ZNF777: variants seen among roughly 807,000 people sequenced by gnomAD.
The protein encoded by ZNF777 is zinc finger protein 777.
In ZNF777, 7 loss-of-function variants were observed where a neutral mutation model predicts 72.1. The ratio of observed to expected loss-of-function variants is 0.10; its 90% confidence interval spans 0.06 to 0.18. The LOEUF is 0.18. Ranked by LOEUF, ZNF777 falls within the 10% of genes least tolerant of loss-of-function variation. The pLI, the probability that ZNF777 is intolerant of heterozygous loss-of-function variation, is 1.00. For missense variants in ZNF777, 828 were observed against 1,128.6 expected, an observed-to-expected ratio of 0.73 and a Z score of 3.82; for synonymous variants, 545 against 483.5, an observed-to-expected ratio of 1.13 and a Z score of -1.67.
chr7:149,455,854 G>A lies in ZNF777; in HGVS notation c.169C>T (p.Pro57Ser), dbSNP rs201967103. 4.5e-5 allele frequency: 72 copies of A among 1,614,006 alleles called. No individual in the cohort carries two copies. The highest frequency in any genetic ancestry group is 5.8e-5 in the Non-Finnish European group (69 of 1,180,004). The change falls in exon 2 of 6, where the codon CCC becomes TCC. Residue 57 changes from proline to serine, a missense_variant. Coordinates refer to ENST00000247930, the MANE Select transcript of ZNF777 (RefSeq NM_015694.3). The surrounding 1 kb of genome is among the most constrained non-coding windows in gnomAD (Gnocchi z 4.2). ...SPTIPRQGSL[P>S]QTSSAPKQET... ...TGCTTGGGAGCACTGGAAGTTTGGG[G>A]CAGGGAGCCTTGACGGGGAATGGTG...
chr7:149,432,426 C>T lies in ZNF777; in HGVS notation c.1846G>A (p.Ala616Thr), dbSNP rs773152370. The change falls in exon 6 of 6, where the codon GCG (alanine) becomes ACG (threonine). Residue 616 changes from alanine to threonine, a missense_variant. Ala to Thr is a moderately conservative substitution (Grantham distance 58). Transcript: ENST00000247930. ...ERGPTFNPKH[A>T]LKPRPKSPSS... Reference sequence around the variant, plus strand: ...GGTGACTTGGGACGCGGCTTGAGCGCGTGCTTGGGGTTGAACGTGGGCCCG... The same window carrying T: ...GGTGACTTGGGACGCGGCTTGAGCGTGTGCTTGGGGTTGAACGTGGGCCCG... The T allele has an allele frequency of 3.1e-6, 5 of 1,613,410 alleles. No individual in the cohort carries two copies. The highest frequency in any genetic ancestry group is 2.2e-5 in the South Asian group (2 of 91,072).
At chr7:149,454,502 C>T (rs960343031) in intron 2 of ZNF777, among the ~76,000 whole-genome samples, 1 of 152,216 alleles carries the variant, frequency 6.6e-6, no homozygotes, top group Non-Finnish European at 1.5e-5. Flanking sequence ...CAGACCCCAC[C>T]TTAGACCTAC....
Position 149,436,989 on chromosome 7 carries a change from C to G in ZNF777, c.1088-163G>C, listed in dbSNP as rs1179966969. Among the ~76,000 whole-genome samples the G allele has an allele frequency of 6.6e-6, 1 of 152,158 alleles. No individual in the cohort carries two copies. Among genetic ancestry groups the G allele is most frequent in the Non-Finnish European group, 1.5e-5 (1 of 68,028 alleles). On this transcript the variant is annotated intron_variant, in intron 4 of 5. Coordinates refer to ENST00000247930, the MANE Select transcript of ZNF777 (RefSeq NM_015694.3). The surrounding 1 kb of genome is among the most constrained non-coding windows in gnomAD (Gnocchi z 5.0). The stretch of plus-strand genomic sequence containing the variant: ...TGGAAATGAGTAGACACAGAATTTT[C>G]TGGACACCTTGTAGCTTTGAATACC...
At position 149,455,727 on chromosome 7, in the gene ZNF777, G is replaced by T. The variant is rs940901471; in HGVS notation, c.296C>A (p.Ser99Tyr). The T allele has an allele frequency of 7.0e-6, 11 of 1,580,004 alleles. No homozygotes were observed. The Admixed American group carries it at 7.2e-5, about 10-fold the overall frequency. Residue 99 changes from serine to tyrosine, a missense_variant, in exon 2 of 6, where the codon TCC becomes TAC. By Grantham distance (144) the Ser-to-Tyr change is moderately radical. Coordinates refer to ENST00000247930, the MANE Select transcript of ZNF777 (RefSeq NM_015694.3). This position sits in a 1 kb window ranked among gnomAD's most constrained non-coding sequence, Gnocchi z 4.2. ...QETSLQGPLASQEGTQYPPPA... is the reference protein window; with the variant it reads ...QETSLQGPLAYQEGTQYPPPA... ...GGGTGGATACTGGGTCCCTTCCTGG[G>T]AAGCCAGGGGGCCCTGGAGAGAAGT...
intron 4 of ZNF777, among the ~76,000 whole-genome samples, chr7:149,447,067 CCTT>C (rs1355725287): frequency 6.6e-6 from 1 of 152,196 alleles, no homozygotes; most frequent in Non-Finnish European, 1.5e-5. Context: ...TCCTCTGGCT[CCTT>C]CTTTTTCCAC....
rs773177416 is a variant in ZNF777 at position 149,455,153 on chromosome 7, A to G, written c.846+24T>C. On this transcript the variant is annotated intron_variant, in intron 2 of 5. Transcript: ENST00000247930. This position sits in a 1 kb window ranked among gnomAD's most constrained non-coding sequence, Gnocchi z 4.2. ...CTCCAATTCAGATCACTTCCTTGGG[A>G]AGCCCCAGTTGGGATGTGCTTACCT... is the stretch of plus-strand genomic sequence containing the variant. 2.5e-6 allele frequency: 4 copies of G among 1,590,314 alleles called. No individual in the cohort carries two copies. Among genetic ancestry groups the G allele is most frequent in the Non-Finnish European group, 3.4e-6 (4 of 1,170,160 alleles).
At chr7:149,433,096 C>A (rs1180219097) in intron 5 of ZNF777, among the ~76,000 whole-genome samples, 164 bp from the exon 6 acceptor site, 1 of 152,248 alleles carries the variant, frequency 6.6e-6, no homozygotes, top group Non-Finnish European at 1.5e-5. Context: ...GGTCCGCTCC[C>A]CTCCCCCAAC....
intron 4 of ZNF777, among the ~76,000 whole-genome samples, chr7:149,442,515 G>C (rs1799538293): frequency 6.6e-6 from 1 of 151,514 alleles, no homozygotes; most frequent in Non-Finnish European, 1.5e-5. Context: ...AGCTACTCAG[G>C]AGGCTGAGGC....
rs147771496 is a variant in ZNF777 at position 149,433,707 on chromosome 7, C to T, written c.1340-775G>A. Among the ~76,000 whole-genome samples the T allele has an allele frequency of 7.6e-4, 116 of 152,344 alleles. 1 individual carries two copies. The East Asian group carries it at 0.016, about 21-fold the overall frequency. On this transcript the variant is annotated intron_variant, in intron 5 of 5. Coordinates refer to ENST00000247930, the MANE Select transcript of ZNF777 (RefSeq NM_015694.3). ...TGCAGCCTCTCATGGGTGGAAGATGCACCGGCACAGTCAGACTCGACCACC... is the reference window on the plus strand; with the variant it reads ...TGCAGCCTCTCATGGGTGGAAGATGTACCGGCACAGTCAGACTCGACCACC...
chr7:149,432,495 G>T lies in ZNF777; in HGVS notation c.1777C>A (p.Gln593Lys). ...FRHKQQLTLHQRIHRVRGGCV... is the reference protein window; with the variant it reads ...FRHKQQLTLHKRIHRVRGGCV... ...CCTCCGCGCACGCGGTGGATGCGCT[G>T]GTGCAGCGTGAGCTGTTGCTTGTGC... Residue 593 changes from glutamine to lysine, a missense_variant, in exon 6 of 6, where the codon CAG becomes AAG. By Grantham distance (53) the Gln-to-Lys change is moderately conservative. Transcript: ENST00000247930. 6.2e-7 allele frequency: 1 copy of T among 1,613,856 alleles called. No individual in the cohort carries two copies.
chr7:149,448,569 A>T (rs1355605960), intron 4 of ZNF777, among the ~76,000 whole-genome samples: 1 of 81,918 alleles, frequency 1.2e-5, no homozygotes, highest in Non-Finnish European at 2.2e-5. Context: ...TTATATAGTT[A>T]TACATATAAC....
chr7:149,432,475 G>A lies in ZNF777; in HGVS notation c.1797C>T (p.Arg599=), dbSNP rs1799330475. The A allele has an allele frequency of 1.9e-6, 3 of 1,613,720 alleles. No individual in the cohort carries two copies. The highest frequency in any genetic ancestry group is 2.5e-6 in the Non-Finnish European group (3 of 1,179,880). The change falls in exon 6 of 6, where the codon CGC becomes CGT. Residue 599 remains arginine (R), a synonymous_variant. Coordinates refer to ENST00000247930, the MANE Select transcript of ZNF777 (RefSeq NM_015694.3). The part of the protein sequence containing the change: ...LTLHQRIHRV[R]GGCVSPERGP... The stretch of plus-strand genomic sequence containing the variant: ...CGCGTTCGGGTGAGACGCAGCCTCC[G>A]CGCACGCGGTGGATGCGCTGGTGCA...
chr7:149,432,947 G>C lies in ZNF777; in HGVS notation c.1340-15C>G. On this transcript the variant is annotated splice_polypyrimidine_tract_variant and intron_variant, in intron 5 of 5. Coordinates refer to ENST00000247930, the MANE Select transcript of ZNF777 (RefSeq NM_015694.3). ...CACGATCCCCTCTGCTCCAGGGACA[G>C]AGAGAGAAAGTCGTTAGCTGCTGCC... 1 of 1,456,078 alleles carries C rather than the reference G, an allele frequency of 6.9e-7. No individual in the cohort carries two copies. The highest frequency in any genetic ancestry group is 9.1e-7 in the Non-Finnish European group (1 of 1,101,070). 90.2% of individuals were successfully genotyped at this position (1,456,078 alleles called of 1,614,324 possible). A position where few individuals can be genotyped will look rare whatever the true frequency, so the allele number is the denominator to read the frequency against.
At chr7:149,448,610 T>G (rs1585698520) in intron 4 of ZNF777, among the ~76,000 whole-genome samples, 2 of 126,536 alleles carry the variant, frequency 1.6e-5, no homozygotes, top group Admixed American at 8.1e-5. Context: ...TATATATATA[T>G]AGTAAAGAAT....
In ZNF777 at chr7:149,446,144, G is replaced by A. The variant is rs141786061; in HGVS notation, c.1087+4855C>T. ...TGTAATCCAAGCACTTTGGGAGTCCGAGGCGGGCAGATTACCTGAGGTTGG... is the reference window on the plus strand; with the variant it reads ...TGTAATCCAAGCACTTTGGGAGTCCAAGGCGGGCAGATTACCTGAGGTTGG... On this transcript the variant is annotated intron_variant, in intron 4 of 5. Transcript: ENST00000247930. Among the ~76,000 whole-genome samples, 105 of 152,330 alleles carry A rather than the reference G, an allele frequency of 6.9e-4. 1 individual carries two copies. In the East Asian group the frequency reaches 0.015, roughly 22 times the overall value.
Position 149,432,598 on chromosome 7 carries a change from C to A in ZNF777, c.1674G>T (p.Lys558Asn), listed in dbSNP as rs755520729. The A allele has an allele frequency of 6.2e-7, 1 of 1,613,300 alleles. No individual in the cohort carries two copies. The highest frequency in any genetic ancestry group is 1.1e-5 in the South Asian group (1 of 91,050). Reference sequence around the variant, plus strand: ...TGCGCTGGTGGATGATGAGGTTGATCTTCAGGCGGAAGCTCTTGCCGCACT... The same window carrying A: ...TGCGCTGGTGGATGATGAGGTTGATATTCAGGCGGAAGCTCTTGCCGCACT... ...CMECGKSFRLKINLIIHQRNH... is the reference protein window; with the variant it reads ...CMECGKSFRLNINLIIHQRNH... The change falls in exon 6 of 6, where the codon AAG becomes AAT. Residue 558 changes from lysine to asparagine, a missense_variant. This residue lies in a region of ZNF777 where 22 missense variants were observed against 48.3 expected (regional missense o/e 0.46). Transcript: ENST00000247930.
Position 149,460,088 on chromosome 7 carries a change from G to A in ZNF777, c.-16+727C>T, listed in dbSNP as rs1799918916. On this transcript the variant is annotated intron_variant, in intron 1 of 5. Transcript: ENST00000247930. The surrounding 1 kb of genome is among the most constrained non-coding windows in gnomAD (Gnocchi z 6.1). ...ACGCAGGCCGTCCCCGGGGCCCCGA[G>A]GCCGCGCGTCCGTGCGCGCGCGGGC... 2.0e-6 allele frequency: 2 copies of A among 981,620 alleles called. No individual in the cohort carries two copies. The highest frequency in any genetic ancestry group is 3.5e-5 in the African/African-American group (2 of 56,608). 60.8% of individuals were successfully genotyped at this position (981,620 alleles called of 1,614,324 possible).
rs571462390 is a variant in ZNF777, at chr7:149,433,611, A to C, written c.1340-679T>G. Among the ~76,000 whole-genome samples, 17 of 152,272 alleles carry C rather than the reference A, an allele frequency of 1.1e-4. No individual in the cohort carries two copies. The East Asian group carries it at 3.1e-3, about 28-fold the overall frequency. On this transcript the variant is annotated intron_variant, in intron 5 of 5. Transcript: ENST00000247930. ...GTCTGCCTTGGTGATCAAAACCTAC[A>C]GCACTCCACCCCTCCTTGGAGCCCA... is the stretch of plus-strand genomic sequence containing the variant.
chr7:149,432,058 G>A lies in ZNF777; in HGVS notation c.2214C>T (p.Thr738=), dbSNP rs774550750. ...CGCGCGAGTGCACGCGGCAGTGGTT[G>A]GTGAGCTTGGACTTCTCGCTGAAGC... ...EKSFSEKSKL[T]NHCRVHSRER... is the part of the protein sequence containing the mutation. Residue 738 remains threonine, a synonymous_variant, in exon 6 of 6, where the codon ACC becomes ACT. Transcript: ENST00000247930. 2.3e-5 allele frequency: 37 copies of A among 1,605,558 alleles called. No individual in the cohort carries two copies. The highest frequency in any genetic ancestry group is 3.1e-5 in the Non-Finnish European group (36 of 1,179,486).
Sources: gnomAD v4.1 joint callset for allele counts (sites outside exome capture counted in the v4.1 genomes callset) on GRCh38, gnomAD v4.1.1 for gene constraint, gnomAD v4.1.1 regional missense constraint, Gnocchi (gnomAD v3.1) non-coding constraint, MANE v1.5 for transcripts, NCBI Gene and HGNC (gene_info 2026-07-23, HGNC 2026-07-21) for gene names.